TRPC3: variants seen among roughly 807,000 people sequenced by gnomAD.
TRPC3 encodes transient receptor potential cation channel subfamily C member 3.
Under a neutral mutation model 90.9 loss-of-function variants are expected in TRPC3, and 54 were observed. The ratio of observed to expected loss-of-function variants is 0.59; its 90% CI spans 0.48 to 0.75. The LOEUF is 0.75. Ranked by LOEUF, TRPC3 falls within the 30% of genes least tolerant of loss-of-function variation. The pLI, the probability that TRPC3 is intolerant of heterozygous loss-of-function variation, is 0.00. For missense variants in TRPC3, 918 were observed against 1,194.5 expected, an observed-to-expected ratio of 0.77 and a Z score of 3.41; for synonymous variants, 424 against 450.9, an observed-to-expected ratio of 0.94 and a Z score of 0.75.
At chr4:121,918,384 T>A (rs973245686) in intron 3 of TRPC3, among the ~76,000 whole-genome samples, 1 of 152,212 alleles carries the variant, frequency 6.6e-6, no homozygotes, top group Non-Finnish European at 1.5e-5. Flanking sequence ...GAAATATTAA[T>A]GTTATAGCAT....
chr4:121,921,021 T>C (rs1729482420), intron 3 of TRPC3, among the ~76,000 whole-genome samples: 1 of 152,220 alleles, frequency 6.6e-6, no homozygotes, highest in Non-Finnish European at 1.5e-5. Flanking sequence ...CTTTCCAACA[T>C]AAACATTAAA....
chr4:121,933,224 C>G, intron 1 of TRPC3, 182 bp from the exon 2 acceptor site: 1 of 1,263,640 alleles, frequency 7.9e-7, no homozygotes, highest in South Asian at 3.0e-5. Flanking sequence ...TGATCTAACC[C>G]TGGCTGCTAG....
At chr4:121,945,381 AAC>A (rs1222184767) in intron 1 of TRPC3, among the ~76,000 whole-genome samples, 1 of 152,216 alleles carries the variant, frequency 6.6e-6, no homozygotes, top group African/African-American at 2.4e-5. Context: ...AAGGAATTGC[AAC>A]ACAAATTTCA....
chr4:121,921,103 T>C (rs553039953), intron 3 of TRPC3, among the ~76,000 whole-genome samples: 99 of 152,328 alleles, frequency 6.5e-4, no homozygotes, highest in Non-Finnish European at 1.2e-3. Flanking sequence ...TTGAGTTCTG[T>C]AAGGCCTGTG....
chr4:121,912,467 C>T, intron 4 of TRPC3, among the ~76,000 whole-genome samples: 1 of 152,070 alleles, frequency 6.6e-6, no homozygotes, highest in East Asian at 1.9e-4. Flanking sequence ...TGTAATTCTT[C>T]ATTGCTTTGT....
chr4:121,941,438 C>A (rs1730305714), intron 1 of TRPC3, among the ~76,000 whole-genome samples: 1 of 152,070 alleles, frequency 6.6e-6, no homozygotes, highest in Non-Finnish European at 1.5e-5. Flanking sequence ...TTTTGAAGGG[C>A]AAGAAGGGCA....
intron 1 of TRPC3, among the ~76,000 whole-genome samples, chr4:121,942,354 A>G (rs1425816238): frequency 6.6e-6 from 1 of 152,162 alleles, no homozygotes; most frequent in African/African-American, 2.4e-5. Context: ...TTGAAGCCAG[A>G]AGTTCTAGAC....
chr4:121,908,031 T>G (rs1728947977), intron 6 of TRPC3, among the ~76,000 whole-genome samples: 1 of 152,144 alleles, frequency 6.6e-6, no homozygotes, highest in South Asian at 2.1e-4. Flanking sequence ...ATAAAATATT[T>G]CGAGGAGTGA....
rs567496134 is a variant in TRPC3, at chr4:121,882,510, C to T, written c.2548-81G>A. On this transcript the variant is annotated intron_variant, in intron 10 of 11. Transcript: ENST00000379645. ...CCTATTTTCCAAAGAGGCTTACATA[C>T]CTGTAAAGCAAACAACTCAGGGGAG... 9.8e-6 allele frequency: 13 copies of T among 1,332,398 alleles called. No individual in the cohort carries two copies. In the East Asian group the frequency reaches 2.9e-4, roughly 30 times the overall value. The allele number at this position is 1,332,398 out of a possible 1,614,324, so 82.5% of individuals were successfully genotyped here. A position where few individuals can be genotyped will look rare whatever the true frequency, so the allele number is the denominator to read the frequency against.
rs149497184 is a variant in TRPC3 at position 121,897,005 on chromosome 4, A to T, written c.2547+2607T>A. On this transcript the variant is annotated intron_variant, in intron 10 of 11. Coordinates refer to ENST00000379645, the MANE Select transcript of TRPC3 (RefSeq NM_001130698.2). ...TAATCCATGTGTCTATAACCAACTG[A>T]GTTTTTACAAAGATGCCAAAAACAC... 3.7e-3 allele frequency among the ~76,000 whole-genome samples: 570 copies of T among 152,234 alleles called. 3 individuals carry two copies. Among genetic ancestry groups the T allele is most frequent in the Non-Finnish European group, 6.5e-3 (440 of 67,998 alleles).
intron 9 of TRPC3, among the ~76,000 whole-genome samples, chr4:121,901,674 A>G (rs141724547): frequency 1.3e-5 from 2 of 151,936 alleles, no homozygotes; most frequent in East Asian, 3.9e-4. Flanking sequence ...CCTCACAACA[A>G]CTCTACAAAG....
At chr4:121,924,742 T>C (rs746918599) in intron 3 of TRPC3, among the ~76,000 whole-genome samples, 59 of 152,282 alleles carry the variant, frequency 3.9e-4, no homozygotes, top group Non-Finnish European at 5.9e-4. Context: ...GGTCTCGCTA[T>C]GTTGCCCAGC....
chr4:121,881,402 C>A (rs913309764), intron 11 of TRPC3, among the ~76,000 whole-genome samples: 1 of 152,042 alleles, frequency 6.6e-6, no homozygotes, highest in Non-Finnish European at 1.5e-5. Context: ...TCTCCACCCC[C>A]CATGGAGATT....
chr4:121,907,514 C>T lies in TRPC3; in HGVS notation c.1846G>A (p.Ala616Thr). 3.1e-6 allele frequency: 5 copies of T among 1,613,064 alleles called. No individual in the cohort carries two copies. The highest frequency in any genetic ancestry group is 4.2e-6 in the Non-Finnish European group (5 of 1,179,420). Residue 616 changes from alanine (A) to threonine (T), a missense_variant, in exon 7 of 12, where the codon GCC (alanine) becomes ACC (threonine). Physicochemically the swap from Ala to Thr is moderately conservative, Grantham distance 58. This residue lies in a region of TRPC3 where 147 missense variants were observed against 263.5 expected (regional missense o/e 0.56). Transcript: ENST00000379645. ...DPQIISEGLY[A>T]IAVVLSFSRI... The stretch of plus-strand genomic sequence containing the variant: ...GAGAAGCTGAGCACAACAGCTATGG[C>T]ATAAAGGCCTTCAGATATAATCTGA...
Position 121,925,033 on chromosome 4 carries a change from C to A in TRPC3, c.1161G>T (p.Lys387Asn). 6.2e-7 allele frequency: 1 copy of A among 1,612,378 alleles called. No individual in the cohort carries two copies. Among genetic ancestry groups the A allele is most frequent in the Non-Finnish European group, 8.5e-7 (1 of 1,179,422 alleles). ...GCCCACTCACCTTTTTGACTTCATACTTAATGGCAAGTTTGACACGACTTA... is the reference window on the plus strand; with the variant it reads ...GCCCACTCACCTTTTTGACTTCATAATTAATGGCAAGTTTGACACGACTTA... ...ASLSRVKLAI[K>N]YEVKKFVAHP... Residue 387 changes from lysine (K) to asparagine (N), a missense_variant, in exon 3 of 12, where the codon AAG becomes AAT. Lys to Asn is a moderately conservative substitution (Grantham distance 94). Transcript: ENST00000379645.
chr4:121,926,531 C>T (rs1003086594), intron 2 of TRPC3, among the ~76,000 whole-genome samples: 2 of 151,884 alleles, frequency 1.3e-5, no homozygotes, highest in African/African-American at 4.8e-5. Context: ...CTCAGCCTCC[C>T]GAGTAGCTGG....
In TRPC3 at chr4:121,951,667, A is replaced by T. The variant is rs201517101; in HGVS notation, c.14T>A (p.Val5Asp). The change falls in exon 1 of 12, where the codon GTC becomes GAC. Residue 5 changes from valine to aspartate, a missense_variant. By Grantham distance (152) the Val-to-Asp change is radical (BLOSUM62 -3). Transcript: ENST00000379645. This position sits in a 1 kb window ranked among gnomAD's most constrained non-coding sequence, Gnocchi z 4.4. MSTK[V>D]RKCKEQARVT... ...CCTTGCTTGTTCTTTGCACTTCCTG[A>T]CCTTGGTGGACATCGCGCCGGCTGC... is the stretch of plus-strand genomic sequence containing the variant. 42 of 1,334,900 alleles carry T rather than the reference A, an allele frequency of 3.1e-5. No individual in the cohort carries two copies. Among genetic ancestry groups the T allele is most frequent in the Non-Finnish European group, 4.0e-5 (41 of 1,033,708 alleles). The allele number at this position is 1,334,900 out of a possible 1,614,324, so 82.7% of individuals were successfully genotyped here.
chr4:121,935,939 T>G (rs1449863782), intron 1 of TRPC3, among the ~76,000 whole-genome samples: 1 of 152,226 alleles, frequency 6.6e-6, no homozygotes, highest in Non-Finnish European at 1.5e-5. Flanking sequence ...TTTTCCTTAA[T>G]ACTTCTTATT....
intron 4 of TRPC3, among the ~76,000 whole-genome samples, chr4:121,914,025 A>C (rs193077517): frequency 9.8e-4 from 150 of 152,358 alleles, no homozygotes; most frequent in Admixed American, 2.5e-3. Flanking sequence ...ATCTCAGCAC[A>C]GCTCCTTCTC....
Sources: allele counts gnomAD v4.1 joint callset (sites outside exome capture counted in the v4.1 genomes callset), GRCh38; gene constraint gnomAD v4.1.1; regional missense constraint gnomAD v4.1.1; non-coding constraint Gnocchi (gnomAD v3.1); transcripts MANE v1.5; gene names NCBI Gene and HGNC (gene_info 2026-07-23, HGNC 2026-07-21).